Variants in ATP11A observed in about 807,000 individuals in gnomAD.
ATP11A encodes ATPase phospholipid transporting 11A.
Under a neutral mutation model 154.4 loss-of-function variants are expected in ATP11A, and 81 were observed. The observed-to-expected ratio is 0.52, with a 90% CI of 0.44 to 0.63. ATP11A has a LOEUF of 0.63. Ranked by LOEUF, ATP11A falls within the 30% of genes least tolerant of loss-of-function variation. ATP11A has a pLI of 0.00. For missense variants in ATP11A, 1,316 were observed against 1,474.3 expected (o/e 0.89, Z 1.76); for synonymous variants, 623 against 585.9 (o/e 1.06, Z -0.91).
Position 112,805,058 on chromosome 13 carries a change from C to T in ATP11A, c.252+12C>T. The T allele has an allele frequency of 6.4e-7, 1 of 1,566,170 alleles. No homozygotes were observed. Among genetic ancestry groups the T allele is most frequent in the Non-Finnish European group, 8.7e-7 (1 of 1,145,108 alleles). ...TATTTCTGGTGCAGGTAAGGCCGGT[C>T]ATTGTTTTCCATCTCATCACATATA... On this transcript the variant is annotated intron_variant, in intron 3 of 29. Transcript: ENST00000375645.
chr13:112,742,959 C>T (rs1392621547), intron 1 of ATP11A, among the ~76,000 whole-genome samples: 1 of 152,204 alleles, frequency 6.6e-6, no homozygotes, highest in African/African-American at 2.4e-5. Flanking sequence ...TCCTAGATGT[C>T]TGATACAGAA....
At chr13:112,769,575 G>A (rs965205598) in intron 1 of ATP11A, among the ~76,000 whole-genome samples, 9 of 152,202 alleles carry the variant, frequency 5.9e-5, no homozygotes, top group African/African-American at 1.4e-4. Flanking sequence ...CCCCAGAGCC[G>A]GCCCATAGCT....
intron 17 of ATP11A, among the ~76,000 whole-genome samples, chr13:112,844,466 T>C (rs921254951): frequency 4.6e-5 from 7 of 152,178 alleles, no homozygotes; most frequent in Non-Finnish European, 1.5e-5. Flanking sequence ...CCCTAGAGAC[T>C]GTCTCGCGCC....
rs758436658 is a variant in ATP11A, at chr13:112,834,702, A to G, written c.1631+42A>G. 1.6e-5 allele frequency: 24 copies of G among 1,473,142 alleles called. No homozygotes were observed. In the South Asian group the frequency reaches 2.5e-4, roughly 16 times the overall value. The allele number at this position is 1,473,142 out of a possible 1,614,324, so 91.3% of individuals were successfully genotyped here. Reference sequence around the variant, plus strand: ...CCCTCAGATGTGAAAGGACTAACGAATAAAGAGTGTTCTTTATAAGGTTCT... The same window carrying G: ...CCCTCAGATGTGAAAGGACTAACGAGTAAAGAGTGTTCTTTATAAGGTTCT... On this transcript the variant is annotated intron_variant, in intron 15 of 29. Coordinates refer to ENST00000375645, the MANE Select transcript of ATP11A (RefSeq NM_015205.3).
rs377727959 is a variant in ATP11A at position 112,859,354 on chromosome 13, G to T, written c.2668-39G>T. 2 of 1,595,248 alleles carry T rather than the reference G, an allele frequency of 1.3e-6. No individual in the cohort carries two copies. Among genetic ancestry groups the T allele is most frequent in the Non-Finnish European group, 1.7e-6 (2 of 1,162,948 alleles). On this transcript the variant is annotated intron_variant, in intron 22 of 29. Transcript: ENST00000375645. The surrounding 1 kb of genome is among the most constrained non-coding windows in gnomAD (Gnocchi z 4.3). ...CGGTAGGTGGCGGCTGCCTCCCTCTGTCCCGTCACCGAACTAACAGTTATG... is the reference window on the plus strand; with the variant it reads ...CGGTAGGTGGCGGCTGCCTCCCTCTTTCCCGTCACCGAACTAACAGTTATG...
At chr13:112,705,395 T>TGTCCTCAGCACGCGGGGGTGCTCAGCA (rs1206642740) in intron 1 of ATP11A, among the ~76,000 whole-genome samples, 17 of 136,412 alleles carry the variant, frequency 1.2e-4, no homozygotes, top group African/African-American at 6.4e-4. Context: ...CAGCAGTTGA[T>TGTCCTCAGCACGCGGGGGTGCTCAGCA]GTTCATCCCG....
chr13:112,878,113 T>G, intron 28 of ATP11A, 104 bp from the exon 29 acceptor site: 2 of 1,075,118 alleles, frequency 1.9e-6, no homozygotes, highest in Non-Finnish European at 1.4e-6. Flanking sequence ...TGTCTCTTGT[T>G]TCTCTTTCCT....
chr13:112,762,529 ACTC>A (rs2076986547), intron 1 of ATP11A, among the ~76,000 whole-genome samples: 1 of 151,656 alleles, frequency 6.6e-6, no homozygotes, highest in African/African-American at 2.4e-5. Flanking sequence ...ACCACGATAA[ACTC>A]CTTCAGGATA....
At position 112,875,985 on chromosome 13, in the gene ATP11A, G is replaced by A. The variant is rs2080712890; in HGVS notation, c.3327+44G>A. The stretch of plus-strand genomic sequence containing the variant: ...CGGGGCGGGGGTGCCTCAGGGCCCT[G>A]GCCTTAGGATTGGGAGATGACCGTT... On this transcript the variant is annotated intron_variant, in intron 28 of 29. Coordinates refer to ENST00000375645, the MANE Select transcript of ATP11A (RefSeq NM_015205.3). This position sits in a 1 kb window ranked among gnomAD's most constrained non-coding sequence, Gnocchi z 4.1. The A allele has an allele frequency of 1.3e-6, 2 of 1,580,332 alleles. No individual in the cohort carries two copies. The highest frequency in any genetic ancestry group is 1.7e-6 in the Non-Finnish European group (2 of 1,165,978).
intron 5 of ATP11A, among the ~76,000 whole-genome samples, chr13:112,812,558 G>A (rs572297367): frequency 6.6e-5 from 10 of 152,328 alleles, no homozygotes; most frequent in Non-Finnish European, 1.0e-4. Context: ...GGACAAGGCC[G>A]CAGCCCTTCC....
At chr13:112,848,308 G>A (rs2079663475) in intron 17 of ATP11A, among the ~76,000 whole-genome samples, 2 of 152,050 alleles carry the variant, frequency 1.3e-5, no homozygotes, top group Non-Finnish European at 2.9e-5. Context: ...TTATTCATAA[G>A]TATTTTACTT....
chr13:112,743,136 G>C (rs1290469656), intron 1 of ATP11A, among the ~76,000 whole-genome samples: 1 of 152,198 alleles, frequency 6.6e-6, no homozygotes, highest in South Asian at 2.1e-4. Context: ...TTGCTCCAGT[G>C]CCCTCATCCT....
At chr13:112,833,250 CTT>C (rs2079146395) in intron 14 of ATP11A, among the ~76,000 whole-genome samples, 1 of 152,184 alleles carries the variant, frequency 6.6e-6, no homozygotes, top group Non-Finnish European at 1.5e-5. Flanking sequence ...TCATCTCTGA[CTT>C]TGCGTGGGTG....
intron 1 of ATP11A, among the ~76,000 whole-genome samples, chr13:112,727,767 C>T (rs1359298040): frequency 1.3e-5 from 2 of 152,252 alleles, no homozygotes; most frequent in East Asian, 3.8e-4. Flanking sequence ...TGCAGATCGG[C>T]TTTCATCTGT....
At chr13:112,800,794 A>G (rs2078113060) in intron 2 of ATP11A, among the ~76,000 whole-genome samples, 1 of 152,252 alleles carries the variant, frequency 6.6e-6, no homozygotes, top group Non-Finnish European at 1.5e-5. Context: ...AAAAAGAATT[A>G]TACACCATGA....
intron 1 of ATP11A, among the ~76,000 whole-genome samples, chr13:112,734,527 C>T (rs773513041): frequency 2.0e-5 from 3 of 152,030 alleles, no homozygotes; most frequent in Non-Finnish European, 4.4e-5. Context: ...AGCCATCAAC[C>T]GCCGAGGAAC....
At chr13:112,863,701 C>CAT (rs2080209120) in intron 25 of ATP11A, among the ~76,000 whole-genome samples, 6 of 79,682 alleles carry the variant, frequency 7.5e-5, no homozygotes, top group South Asian at 5.2e-4. Flanking sequence ...TGCAGGCCTG[C>CAT]GCAGCTTCCC....
rs2080910577 is a variant in ATP11A, at chr13:112,882,565, T to C, written c.*699T>C. On this transcript the variant is annotated 3_prime_UTR_variant, in exon 30 of 30. Transcript: ENST00000375645. The surrounding 1 kb of genome is among the most constrained non-coding windows in gnomAD (Gnocchi z 5.1). ...CCGTACCCTGCTCATCTGGGAGTGGTTTCCCTGCGGTTACGTCCAAGCCCG... is the reference window on the plus strand; with the variant it reads ...CCGTACCCTGCTCATCTGGGAGTGGCTTCCCTGCGGTTACGTCCAAGCCCG... 1 of 411,872 alleles carries C rather than the reference T, an allele frequency of 2.4e-6. No homozygotes were observed. The highest frequency in any genetic ancestry group is 2.0e-5 in the African/African-American group (1 of 48,900). 25.5% of individuals were successfully genotyped at this position (411,872 alleles called of 1,614,324 possible). A position where few individuals can be genotyped will look rare whatever the true frequency, so the allele number is the denominator to read the frequency against.
chr13:112,711,447 A>G (rs1479426175), intron 1 of ATP11A, among the ~76,000 whole-genome samples: 1 of 152,142 alleles, frequency 6.6e-6, no homozygotes, highest in African/African-American at 2.4e-5. Flanking sequence ...TCTCTGATAC[A>G]TACGTAAATA....
Sources: gnomAD v4.1 joint callset for allele counts (sites outside exome capture counted in the v4.1 genomes callset) on GRCh38, gnomAD v4.1.1 for gene constraint, Gnocchi (gnomAD v3.1) non-coding constraint, MANE v1.5 for transcripts, NCBI Gene and HGNC (gene_info 2026-07-23, HGNC 2026-07-21) for gene names.